The following ADAMTS6 variants were observed in gnomAD, a reference collection of about 807,000 sequenced individuals.
ADAMTS6 encodes the protein A disintegrin and metalloproteinase with thrombospondin motifs 6.
ADAMTS6 carries 23 observed loss-of-function variants against 144.3 expected under a neutral mutation model. The ratio of observed to expected loss-of-function variants is 0.16; its 90% CI spans 0.11 to 0.23. The LOEUF (loss-of-function observed/expected upper bound fraction) is 0.23. ADAMTS6 is among the 10% of genes least tolerant of loss of function. The pLI is 1.00. For missense variants in ADAMTS6, 999 were observed against 1,379.6 expected, an observed-to-expected ratio of 0.72 and a Z score of 4.37; for synonymous variants, 444 against 457.5, an observed-to-expected ratio of 0.97 and a Z score of 0.38.
intron 7 of ADAMTS6, among the ~76,000 whole-genome samples, chr5:65,393,667 T>C (rs1753103004): frequency 6.6e-6 from 1 of 152,238 alleles, no homozygotes; most frequent in South Asian, 2.1e-4. Context: ...GGAGTTTTAA[T>C]GCAAGTCAGT....
At position 65,473,712 on chromosome 5, in the gene ADAMTS6, T is replaced by C. The variant is rs1760641841; in HGVS notation, c.-39A>G. ...GGATGATTTTTTTGAGGGCTACCTA[T>C]GTGCTAAAGAGTCAATACCATACCA... On this transcript the variant is annotated 5_prime_UTR_variant, in exon 2 of 25. Coordinates refer to ENST00000381055, the MANE Select transcript of ADAMTS6 (RefSeq NM_197941.4). The C allele has an allele frequency of 4.0e-6, 6 of 1,493,104 alleles. No homozygotes were observed. Among genetic ancestry groups the C allele is most frequent in the Non-Finnish European group, 4.7e-6 (5 of 1,070,050 alleles). 92.5% of individuals were successfully genotyped at this position (1,493,104 alleles called of 1,614,324 possible).
At chr5:65,450,158 A>C (rs1450634969) in intron 7 of ADAMTS6, among the ~76,000 whole-genome samples, 1 of 152,154 alleles carries the variant, frequency 6.6e-6, no homozygotes, top group East Asian at 1.9e-4. Context: ...AATATTCCAG[A>C]CCACAAGACT....
intron 13 of ADAMTS6, among the ~76,000 whole-genome samples, chr5:65,261,327 A>G (rs1761174809): frequency 6.6e-6 from 1 of 152,222 alleles, no homozygotes; most frequent in Non-Finnish European, 1.5e-5. Context: ...TAATCTTTAA[A>G]GGATTTAACA....
At chr5:65,275,288 G>GGAA (rs1762381206) in intron 11 of ADAMTS6, among the ~76,000 whole-genome samples, 1 of 144,246 alleles carries the variant, frequency 6.9e-6, no homozygotes, top group Admixed American at 7.1e-5. Context: ...AAGGAAGGAA[G>GGAA]GAAGTTAGGA....
chr5:65,343,394 T>C (rs921406083), intron 7 of ADAMTS6, among the ~76,000 whole-genome samples: 7 of 151,990 alleles, frequency 4.6e-5, no homozygotes, highest in Non-Finnish European at 1.0e-4. Flanking sequence ...AATCCACGTA[T>C]ATACGGCCAA....
intron 3 of ADAMTS6, among the ~76,000 whole-genome samples, chr5:65,469,310 C>T (rs72760596): frequency 0.046 from 6,940 of 152,228 alleles, 193 homozygotes; most frequent in Non-Finnish European, 0.068. Context: ...TCTACAATCA[C>T]TCTTCTCTCA....
At chr5:65,435,281 T>G (rs1161738921) in intron 7 of ADAMTS6, among the ~76,000 whole-genome samples, 1 of 152,146 alleles carries the variant, frequency 6.6e-6, no homozygotes, top group African/African-American at 2.4e-5. Context: ...ACATACAAAT[T>G]CAGGATAGTG....
At chr5:65,406,203 G>GAGGGTTT (rs1241802206) in intron 7 of ADAMTS6, among the ~76,000 whole-genome samples, 2 of 152,314 alleles carry the variant, frequency 1.3e-5, no homozygotes, top group African/African-American at 4.8e-5. Flanking sequence ...AGTGGTGAGA[G>GAGGGTTT]AGGGCATCCT....
intron 7 of ADAMTS6, among the ~76,000 whole-genome samples, chr5:65,340,410 C>T (rs1747710784): frequency 2.0e-5 from 3 of 151,714 alleles, no homozygotes; most frequent in Non-Finnish European, 2.9e-5. Context: ...AAATAATAAC[C>T]ATCATCATGA....
chr5:65,172,553 G>A (rs1207232014), intron 23 of ADAMTS6, among the ~76,000 whole-genome samples: 1 of 152,086 alleles, frequency 6.6e-6, no homozygotes, highest in Admixed American at 6.5e-5. Context: ...GATCTCTATC[G>A]GTTATTCTAT....
intron 10 of ADAMTS6, among the ~76,000 whole-genome samples, chr5:65,295,944 T>TA (rs1742794253): frequency 6.6e-6 from 1 of 152,202 alleles, no homozygotes; most frequent in East Asian, 1.9e-4. Flanking sequence ...GAGTTACAGT[T>TA]CGGTCATCAG....
intron 15 of ADAMTS6, among the ~76,000 whole-genome samples, chr5:65,236,262 G>A (rs149272674): frequency 1.3e-5 from 2 of 152,100 alleles, no homozygotes; most frequent in African/African-American, 4.8e-5. Context: ...TACTTTCCAA[G>A]TATACACAGA....
chr5:65,441,532 A>G (rs1757851382), intron 7 of ADAMTS6, among the ~76,000 whole-genome samples: 1 of 152,148 alleles, frequency 6.6e-6, no homozygotes, highest in Admixed American at 6.5e-5. Context: ...TCAACTCAGT[A>G]AGGGTAAAGA....
chr5:65,188,115 C>A lies in ADAMTS6; in HGVS notation c.2811G>T (p.Thr937=). Residue 937 remains threonine, a synonymous_variant, in exon 22 of 25, where the codon ACG becomes ACT. Coordinates refer to ENST00000381055, the MANE Select transcript of ADAMTS6 (RefSeq NM_197941.4). The stretch of plus-strand genomic sequence containing the variant: ...GTGTTAAACAACCACTGTAGTCCAG[C>A]GTCTCCTCCTCAGAAGGTCCGATCT... ...IRKIGPSEEE[T]LDYSGCLTHR... The A allele has an allele frequency of 6.2e-7, 1 of 1,614,174 alleles. No individual in the cohort carries two copies. Among genetic ancestry groups the A allele is most frequent in the South Asian group, 1.1e-5 (1 of 91,086 alleles).
At chr5:65,232,962 A>C (rs1183584875) in intron 15 of ADAMTS6, among the ~76,000 whole-genome samples, 1 of 152,152 alleles carries the variant, frequency 6.6e-6, no homozygotes, top group Non-Finnish European at 1.5e-5. Flanking sequence ...AATACTAGCA[A>C]ATTAATTAAA....
chr5:65,164,080 C>T (rs1014226295), intron 24 of ADAMTS6, among the ~76,000 whole-genome samples: 8 of 152,128 alleles, frequency 5.3e-5, no homozygotes, highest in Admixed American at 1.3e-4. Flanking sequence ...GCGTGAGCGA[C>T]GCAGAAGACG....
chr5:65,312,855 A>G (rs1744632173), intron 9 of ADAMTS6, among the ~76,000 whole-genome samples: 1 of 151,998 alleles, frequency 6.6e-6, no homozygotes, highest in Non-Finnish European at 1.5e-5. Context: ...GGGTGTATGT[A>G]TGTGTGTGGG....
intron 7 of ADAMTS6, among the ~76,000 whole-genome samples, chr5:65,368,682 T>C (rs1172143033): frequency 6.6e-6 from 1 of 151,748 alleles, no homozygotes; most frequent in Admixed American, 6.6e-5. Context: ...ATAGAAAGAG[T>C]CTGGAACATC....
intron 22 of ADAMTS6, among the ~76,000 whole-genome samples, chr5:65,177,124 A>G (rs561936726): frequency 2.0e-5 from 3 of 152,218 alleles, no homozygotes; most frequent in African/African-American, 7.2e-5. Flanking sequence ...GAAGGACCCT[A>G]CCTTGTGCTG....
Sources: allele counts gnomAD v4.1 joint callset (sites outside exome capture counted in the v4.1 genomes callset), GRCh38; gene constraint gnomAD v4.1.1; transcripts MANE v1.5; gene names NCBI Gene and HGNC (gene_info 2026-07-23, HGNC 2026-07-21).